The following ATP11B variants were observed in gnomAD, a reference collection of about 807,000 sequenced individuals.
The protein encoded by ATP11B is phospholipid-transporting ATPase IF.
ATP11B carries 81 observed loss-of-function variants against 157.8 expected under a neutral mutation model. The observed-to-expected ratio is 0.51, with a 90% confidence interval of 0.43 to 0.62. The LOEUF (loss-of-function observed/expected upper bound fraction) is 0.62. ATP11B is among the 20% of genes least tolerant of loss of function. The pLI is 0.00. For synonymous variants in ATP11B, 451 were observed against 469.4 expected (o/e 0.96, Z 0.51); for missense variants, 1,165 against 1,402.2 (o/e 0.83, Z 2.70).
At chr3:182,843,684 C>T (rs1003527682) in intron 8 of ATP11B, 7 of 152,132 alleles carry the variant, frequency 4.6e-5, no homozygotes, top group Admixed American at 1.3e-4. Flanking sequence ...GAGCGTTAAC[C>T]TTATTTGGAA....
chr3:182,915,877 T>C, intron 29 of ATP11B: 1 of 966,528 alleles, frequency 1.0e-6, no homozygotes, highest in African/African-American at 1.8e-5. Flanking sequence ...ATTTTTTTAT[T>C]CTCCTAATAA....
At chr3:182,857,011 C>T (rs982986423) in intron 10 of ATP11B, among the ~76,000 whole-genome samples, 8 of 152,128 alleles carry the variant, frequency 5.3e-5, no homozygotes, top group Non-Finnish European at 1.2e-4. Context: ...ATTAAGCTTA[C>T]CTAATAAAGA....
At chr3:182,892,228 C>T (rs1488644696) in intron 25 of ATP11B, among the ~76,000 whole-genome samples, 5 of 152,162 alleles carry the variant, frequency 3.3e-5, no homozygotes, top group African/African-American at 7.2e-5. Flanking sequence ...ACCTATTCTT[C>T]GCAGTTGAGC....
rs141993348 is a variant in ATP11B at position 182,900,860 on chromosome 3, A to G, written c.3318+2088A>G. The stretch of plus-strand genomic sequence containing the variant: ...CAGGAATTGGAGACCAGCCTGGCCA[A>G]CATGGTGAAAGCCTGTCTCTACTAA... On this transcript the variant is annotated intron_variant, in intron 28 of 29. Coordinates refer to ENST00000323116, the MANE Select transcript of ATP11B (RefSeq NM_014616.3). Among the ~76,000 whole-genome samples the G allele has an allele frequency of 2.1e-3, 325 of 152,132 alleles. 5 individuals are homozygous for G. The East Asian group carries it at 0.035, about 16-fold the overall frequency.
At chr3:182,803,502 T>C (rs991484464) in intron 1 of ATP11B, among the ~76,000 whole-genome samples, 1 of 152,252 alleles carries the variant, frequency 6.6e-6, no homozygotes, top group East Asian at 1.9e-4. Context: ...AGTTTAAATT[T>C]ATTTGTAGGT....
At chr3:182,814,907 G>T (rs1716883095) in intron 1 of ATP11B, among the ~76,000 whole-genome samples, 1 of 152,138 alleles carries the variant, frequency 6.6e-6, no homozygotes, top group Non-Finnish European at 1.5e-5. Context: ...AAGGTTTGGT[G>T]GGAGTAGTAC....
chr3:182,873,500 T>G (rs1257376833), intron 18 of ATP11B, among the ~76,000 whole-genome samples: 1 of 152,216 alleles, frequency 6.6e-6, no homozygotes, highest in Non-Finnish European at 1.5e-5. Flanking sequence ...ATGTAAGACT[T>G]CGTAATAAAA....
At chr3:182,886,254 A>C (rs2108566227) in intron 23 of ATP11B, among the ~76,000 whole-genome samples, 1 of 152,242 alleles carries the variant, frequency 6.6e-6, no homozygotes, top group East Asian at 1.9e-4. Flanking sequence ...AAAAATAGAT[A>C]ATAACCCTTA....
At chr3:182,838,247 CTG>C (rs1718707767) in intron 7 of ATP11B, among the ~76,000 whole-genome samples, 1 of 152,088 alleles carries the variant, frequency 6.6e-6, no homozygotes, top group South Asian at 2.1e-4. Flanking sequence ...GATAGACTGA[CTG>C]TAAGACATTT....
At chr3:182,860,873 A>T (rs1485128128) in intron 12 of ATP11B, among the ~76,000 whole-genome samples, 1 of 152,074 alleles carries the variant, frequency 6.6e-6, no homozygotes, top group East Asian at 1.9e-4. Flanking sequence ...GAGGATATTA[A>T]TGACAGTCAA....
chr3:182,801,362 G>A (rs748971490), intron 1 of ATP11B, among the ~76,000 whole-genome samples: 25 of 152,190 alleles, frequency 1.6e-4, no homozygotes, highest in Admixed American at 5.2e-4. Flanking sequence ...TTTTGGAAAA[G>A]TTAGGAACAG....
intron 20 of ATP11B, 106 bp from the exon 21 acceptor site, chr3:182,880,773 A>G: frequency 1.9e-6 from 1 of 537,872 alleles, no homozygotes; most frequent in Non-Finnish European, 3.0e-6. Context: ...AAAATTAAAT[A>G]TTTCTTTCAT....
intron 25 of ATP11B, among the ~76,000 whole-genome samples, chr3:182,891,787 A>G (rs541116047): frequency 2.0e-5 from 3 of 152,314 alleles, no homozygotes; most frequent in South Asian, 2.1e-4. Context: ...AAAGCAGCAC[A>G]TGTTAGAATC....
intron 26 of ATP11B, among the ~76,000 whole-genome samples, chr3:182,896,998 A>G (rs1237891674): frequency 6.6e-6 from 1 of 152,118 alleles, no homozygotes; most frequent in Non-Finnish European, 1.5e-5. Flanking sequence ...AATCTCTAAA[A>G]ATTTTGCTTC....
intron 27 of ATP11B, among the ~76,000 whole-genome samples, chr3:182,897,973 A>G (rs1723671649): frequency 6.6e-6 from 1 of 152,016 alleles, no homozygotes; most frequent in Admixed American, 6.6e-5. Context: ...TGGAGAATTT[A>G]TATTACATTT....
chr3:182,845,608 G>T, intron 9 of ATP11B, 86 bp downstream of exon 9: 1 of 800,594 alleles, frequency 1.2e-6, no homozygotes. Flanking sequence ...GTGGTCTTTT[G>T]GTTAGATAAT....
chr3:182,818,242 C>T (rs936146019), intron 1 of ATP11B, among the ~76,000 whole-genome samples: 6 of 152,194 alleles, frequency 3.9e-5, no homozygotes, highest in Non-Finnish European at 8.8e-5. Flanking sequence ...TATAGGTAAA[C>T]TTCCTGTGAA....
chr3:182,845,226 C>T (rs1719416186), intron 8 of ATP11B, among the ~76,000 whole-genome samples: 1 of 152,050 alleles, frequency 6.6e-6, no homozygotes, highest in Non-Finnish European at 1.5e-5. Flanking sequence ...AGGCTGGTCT[C>T]AAACTCCTGA....
chr3:182,911,278 C>G (rs959890671), intron 28 of ATP11B, among the ~76,000 whole-genome samples: 2 of 124,752 alleles, frequency 1.6e-5, no homozygotes, highest in Admixed American at 8.8e-5. Flanking sequence ...AATGCCCCCC[C>G]CCGCTAAGTC....
Sources: allele counts gnomAD v4.1 joint callset (sites outside exome capture counted in the v4.1 genomes callset), GRCh38; gene constraint gnomAD v4.1.1; transcripts MANE v1.5; gene names NCBI Gene and HGNC (gene_info 2026-07-23, HGNC 2026-07-21).